Variants in DCAF5 observed in about 807,000 individuals in gnomAD.
DCAF5 encodes the protein DDB1 and CUL4 associated factor 5.
A neutral mutation model predicts 80.7 loss-of-function variants in DCAF5; 9 were observed. The observed-to-expected ratio is 0.11, with a 90% CI of 0.07 to 0.19. The LOEUF is 0.19. Ranked by LOEUF, DCAF5 falls within the 10% of genes least tolerant of loss-of-function variation. The probability of loss-of-function intolerance (pLI) is 1.00; values close to 1 mark genes in which losing one functional copy is unlikely to be tolerated. For synonymous variants in DCAF5, 433 were observed against 461.9 expected, an observed-to-expected ratio of 0.94 and a Z score of 0.80; for missense variants, 842 against 1,205.7, an observed-to-expected ratio of 0.70 and a Z score of 4.47.
At chr14:69,085,535 T>C in intron 6 of DCAF5, 1 of 262,044 alleles carries the variant, frequency 3.8e-6, no homozygotes, top group Non-Finnish European at 7.7e-6. Flanking sequence ...CTGAACACTG[T>C]TACTTCTATC....
chr14:69,119,717 AAAGT>A (rs1406734525), intron 2 of DCAF5, among the ~76,000 whole-genome samples: 63 of 152,070 alleles, frequency 4.1e-4, no homozygotes, highest in African/African-American at 1.4e-3. Flanking sequence ...AAAAAAAAAA[AAAGT>A]AGGGGGGAAA....
Position 69,054,801 on chromosome 14 carries a change from GGGA to G in DCAF5, c.1882_1884del (p.Ser628del). ...GTGCTCCGCTCAGGGGACGAGGTTGGGGAGGAGGAGAGGTCATCCACTTTGATC... is the reference window on the plus strand; with the variant it reads ...GTGCTCCGCTCAGGGGACGAGGTTGGGGAGGAGAGGTCATCCACTTTGATC... On this transcript the variant is annotated inframe_deletion, in exon 9 of 9. Transcript: ENST00000341516. The G allele has an allele frequency of 1.2e-6, 2 of 1,614,254 alleles. No individual in the cohort carries two copies. Among genetic ancestry groups the G allele is most frequent in the East Asian group, 2.2e-5 (1 of 44,892 alleles).
chr14:69,090,964 G>A (rs1289466468), intron 6 of DCAF5: 4 of 624,628 alleles, frequency 6.4e-6, no homozygotes, highest in African/African-American at 3.7e-5. Context: ...GTCTTTCCTC[G>A]GCTTGGTGAC....
At chr14:69,127,135 G>C (rs2040902659) in intron 1 of DCAF5, among the ~76,000 whole-genome samples, 1 of 152,118 alleles carries the variant, frequency 6.6e-6, no homozygotes, top group Non-Finnish European at 1.5e-5. Context: ...ATGCTCCTTG[G>C]TATTTAACCA....
intron 6 of DCAF5, chr14:69,085,395 T>G: frequency 1.8e-6 from 1 of 559,308 alleles, no homozygotes; most frequent in Non-Finnish European, 3.4e-6. Context: ...ACTGAAGACA[T>G]GCCTTTCTTT....
intron 5 of DCAF5, among the ~76,000 whole-genome samples, chr14:69,112,426 G>T (rs2040398757): frequency 6.6e-6 from 1 of 151,946 alleles, no homozygotes; most frequent in African/African-American, 2.4e-5. Flanking sequence ...AATGTACAGG[G>T]ACCCTATGTG....
intron 7 of DCAF5, among the ~76,000 whole-genome samples, chr14:69,074,563 C>G (rs1000758874): frequency 2.0e-5 from 3 of 152,132 alleles, no homozygotes; most frequent in African/African-American, 7.2e-5. Flanking sequence ...CTTTGACGTC[C>G]TGGGTCAACA....
At chr14:69,145,550 A>G (rs944130160) in intron 1 of DCAF5, among the ~76,000 whole-genome samples, 6 of 152,186 alleles carry the variant, frequency 3.9e-5, no homozygotes. Context: ...CTATAGCAAC[A>G]TAAGAAAATC....
chr14:69,132,524 GTT>G (rs956024627), intron 1 of DCAF5, among the ~76,000 whole-genome samples: 5 of 152,148 alleles, frequency 3.3e-5, no homozygotes, highest in Admixed American at 2.0e-4. Flanking sequence ...GCCCAAAAGA[GTT>G]TTCTGTAGTT....
chr14:69,051,627 C>T lies in DCAF5; in HGVS notation c.*2230G>A, dbSNP rs951312247. On this transcript the variant is annotated 3_prime_UTR_variant, in exon 9 of 9. Coordinates refer to ENST00000341516, the MANE Select transcript of DCAF5 (RefSeq NM_003861.3). ...TTTGAGTACCCAAATGAGATTAAGG[C>T]TTTTAACATGAAAAGACCAAGTTCT... The T allele has an allele frequency of 6.6e-6, 1 of 152,204 alleles. No individual in the cohort carries two copies. The highest frequency in any genetic ancestry group is 2.4e-5 in the African/African-American group (1 of 41,450). 9.4% of individuals were successfully genotyped at this position (152,204 alleles called of 1,614,324 possible).
chr14:69,142,812 A>G (rs2041416191), intron 1 of DCAF5, among the ~76,000 whole-genome samples: 2 of 152,264 alleles, frequency 1.3e-5, no homozygotes, highest in Non-Finnish European at 2.9e-5. Flanking sequence ...GTAATCATTC[A>G]GCATGACTTG....
intron 5 of DCAF5, among the ~76,000 whole-genome samples, chr14:69,109,883 T>A (rs545503883): frequency 2.0e-5 from 3 of 152,246 alleles, no homozygotes; most frequent in Non-Finnish European, 4.4e-5. Flanking sequence ...TTAGCTTTAG[T>A]AGATACTGAC....
intron 5 of DCAF5, among the ~76,000 whole-genome samples, chr14:69,097,711 C>T (rs967544310): frequency 2.6e-5 from 4 of 151,640 alleles, no homozygotes; most frequent in Non-Finnish European, 5.9e-5. Flanking sequence ...CTCAGCCTCC[C>T]CAGCAGCTGG....
At chr14:69,101,127 A>G (rs1018820112) in intron 5 of DCAF5, among the ~76,000 whole-genome samples, 9 of 152,228 alleles carry the variant, frequency 5.9e-5, no homozygotes, top group Admixed American at 5.2e-4. Context: ...CTGACCACAC[A>G]ATCAAGCAGC....
intron 5 of DCAF5, among the ~76,000 whole-genome samples, chr14:69,107,652 A>C (rs1248765123): frequency 6.6e-6 from 1 of 152,202 alleles, no homozygotes; most frequent in Non-Finnish European, 1.5e-5. Context: ...CTGCCACATA[A>C]CTAATTGACG....
chr14:69,083,718 AAAG>A (rs1205505090), intron 6 of DCAF5: 6 of 641,848 alleles, frequency 9.3e-6, no homozygotes, highest in Non-Finnish European at 1.4e-5. Flanking sequence ...CAGAATCAAA[AAAG>A]AAGAGAAAAA....
chr14:69,103,884 C>T lies in DCAF5; in HGVS notation c.666-11997G>A, dbSNP rs570996587. Among the ~76,000 whole-genome samples, 31 of 152,254 alleles carry T rather than the reference C, an allele frequency of 2.0e-4. No individual in the cohort carries two copies. The South Asian group carries it at 5.8e-3, about 29-fold the overall frequency. ...GCAGCATGTATTCTTTTGAGATTGG[C>T]TTTTTTTCAGTCAACAAAATTTCCT... On this transcript the variant is annotated intron_variant, in intron 5 of 8. Transcript: ENST00000341516.
intron 4 of DCAF5, among the ~76,000 whole-genome samples, chr14:69,116,873 T>C (rs1014616554): frequency 4.6e-5 from 7 of 152,210 alleles, no homozygotes; most frequent in Admixed American, 4.6e-4. Flanking sequence ...ATTATGCTTT[T>C]AATCCAATTG....
At chr14:69,109,496 C>T (rs1338603126) in intron 5 of DCAF5, among the ~76,000 whole-genome samples, 1 of 152,096 alleles carries the variant, frequency 6.6e-6, no homozygotes, top group Non-Finnish European at 1.5e-5. Flanking sequence ...TAGTCAATAC[C>T]TTACCCAGAG....
Sources: allele counts gnomAD v4.1 joint callset (sites outside exome capture counted in the v4.1 genomes callset), GRCh38; gene constraint gnomAD v4.1.1; transcripts MANE v1.5; gene names NCBI Gene and HGNC (gene_info 2026-07-23, HGNC 2026-07-21).